The following MIR2052HG variants were observed in gnomAD, a reference collection of about 807,000 sequenced individuals.
The protein encoded by MIR2052HG is MIR2052 host gene.
intron 2 of MIR2052HG, among the ~76,000 whole-genome samples, chr8:74,693,754 A>T (rs895549157): frequency 2.0e-5 from 3 of 151,946 alleles, no homozygotes; most frequent in African/African-American, 7.3e-5. Flanking sequence ...CCCTGAAAAC[A>T]TAACTCCATA....
chr8:74,637,351 T>G (rs1227413321), intron 2 of MIR2052HG, among the ~76,000 whole-genome samples: 2 of 152,012 alleles, frequency 1.3e-5, no homozygotes, highest in Non-Finnish European at 1.5e-5. Flanking sequence ...AGGATACACA[T>G]GCAAACACAT....
intron 4 of MIR2052HG, among the ~76,000 whole-genome samples, chr8:74,746,743 A>G (rs1809891787): frequency 6.6e-6 from 1 of 152,072 alleles, no homozygotes. Context: ...CAAGGCTGTG[A>G]AGACACCATC....
chr8:74,662,125 A>G (rs1484240390), intron 2 of MIR2052HG, among the ~76,000 whole-genome samples: 2 of 152,194 alleles, frequency 1.3e-5, no homozygotes, highest in Non-Finnish European at 1.5e-5. Context: ...TTATGAGAGT[A>G]TCACGGTTTT....
At chr8:74,669,600 G>T (rs972760576) in intron 2 of MIR2052HG, among the ~76,000 whole-genome samples, 3 of 152,010 alleles carry the variant, frequency 2.0e-5, no homozygotes, top group African/African-American at 7.2e-5. Context: ...CTCTACTTAC[G>T]TATCTCATGA....
In MIR2052HG at chr8:74,749,411, A is replaced by G. The variant is rs573690020; in HGVS notation, n.372-3030A>G. Among the ~76,000 whole-genome samples, 464 of 152,230 alleles carry G rather than the reference A, an allele frequency of 3.0e-3. 1 individual carries two copies. Among genetic ancestry groups the G allele is most frequent in the Middle Eastern group, 6.8e-3 (2 of 294 alleles). The stretch of plus-strand genomic sequence containing the variant: ...TCCTATCACCAAGTTAAAAAAAAAA[A>G]CAAAACTTGTAGTGCCTTTTTAGTT... On this transcript the variant is annotated intron_variant and non_coding_transcript_variant, in intron 4 of 6. Transcript: ENST00000523442.
At chr8:74,701,305 T>C (rs929974372) in intron 2 of MIR2052HG, among the ~76,000 whole-genome samples, 5 of 152,168 alleles carry the variant, frequency 3.3e-5, no homozygotes, top group Admixed American at 2.6e-4. Flanking sequence ...AACTTATTAT[T>C]GAATAGATGG....
chr8:74,740,803 T>C (rs952280139), intron 4 of MIR2052HG, among the ~76,000 whole-genome samples: 1 of 152,346 alleles, frequency 6.6e-6, no homozygotes, highest in Admixed American at 6.5e-5. Context: ...GGTCTCCAGC[T>C]ACCTGGTAGT....
intron 2 of MIR2052HG, among the ~76,000 whole-genome samples, chr8:74,628,620 T>C (rs3750238): frequency 0.67 from 102,421 of 152,044 alleles, 35,608 homozygotes; most frequent in African/African-American, 0.86. Flanking sequence ...ATTCAGGCTC[T>C]AAAGTACTTA....
Position 74,624,627 on chromosome 8 carries a change from A to G in MIR2052HG, n.216+11687A>G, listed in dbSNP as rs1808410700. On this transcript the variant is annotated intron_variant and non_coding_transcript_variant, in intron 2 of 6. Coordinates refer to ENST00000523442, the Ensembl canonical transcript of MIR2052HG. ...AAGCAGTATTTATCCATTGACAAAA[A>G]TGCTTGTAAATGCATTTGATCAACC... Among the ~76,000 whole-genome samples the G allele has an allele frequency of 2.6e-5, 4 of 152,244 alleles. 1 individual carries two copies. The South Asian group carries it at 8.3e-4, about 31-fold the overall frequency.
At chr8:74,711,271 A>G (rs1298140807) in intron 4 of MIR2052HG, among the ~76,000 whole-genome samples, 1 of 152,166 alleles carries the variant, frequency 6.6e-6, no homozygotes, top group African/African-American at 2.4e-5. Context: ...TATTCATGTA[A>G]GTACTTCTTT....
intron 4 of MIR2052HG, among the ~76,000 whole-genome samples, chr8:74,719,049 A>C (rs536895567): frequency 6.6e-6 from 1 of 150,980 alleles, no homozygotes; most frequent in South Asian, 2.1e-4. Context: ...GGGTCTTCCT[A>C]TGAGTCAGAC....
At chr8:74,754,754 A>C (rs931088424) in intron 5 of MIR2052HG, among the ~76,000 whole-genome samples, 1 of 152,184 alleles carries the variant, frequency 6.6e-6, no homozygotes, top group African/African-American at 2.4e-5. Context: ...TGAGTTAGGT[A>C]CACTTTCAGT....
chr8:74,667,146 C>G (rs1808938166), intron 2 of MIR2052HG, among the ~76,000 whole-genome samples: 1 of 152,164 alleles, frequency 6.6e-6, no homozygotes, highest in Admixed American at 6.6e-5. Flanking sequence ...TTTGTTGTCT[C>G]CTGGTCAAAG....
intron 2 of MIR2052HG, among the ~76,000 whole-genome samples, chr8:74,680,764 G>C (rs558795925): frequency 6.6e-6 from 1 of 151,828 alleles, no homozygotes; most frequent in Non-Finnish European, 1.5e-5. Flanking sequence ...ACATGCACAC[G>C]TATGTTTATT....
intron 2 of MIR2052HG, among the ~76,000 whole-genome samples, chr8:74,674,856 C>T (rs377404830): frequency 7.2e-5 from 11 of 151,726 alleles, no homozygotes; most frequent in African/African-American, 1.9e-4. Context: ...ATATACTATA[C>T]GTTACTATAC....
intron 2 of MIR2052HG, among the ~76,000 whole-genome samples, chr8:74,671,279 G>T (rs1808989766): frequency 6.6e-6 from 1 of 152,104 alleles, no homozygotes; most frequent in Non-Finnish European, 1.5e-5. Flanking sequence ...TATGCATTTT[G>T]TGTATTATGA....
At chr8:74,621,135 T>C (rs1586892821) in intron 2 of MIR2052HG, among the ~76,000 whole-genome samples, 1 of 152,236 alleles carries the variant, frequency 6.6e-6, no homozygotes, top group African/African-American at 2.4e-5. Flanking sequence ...TTGTCCATAT[T>C]GCTGTCAGCA....
chr8:74,674,648 C>T (rs1033472764), intron 2 of MIR2052HG, among the ~76,000 whole-genome samples: 8 of 151,790 alleles, frequency 5.3e-5, no homozygotes, highest in Non-Finnish European at 8.8e-5. Context: ...TTAGATCTCT[C>T]TCATATTCTG....
At chr8:74,718,379 G>A (rs950216692) in intron 4 of MIR2052HG, among the ~76,000 whole-genome samples, 3 of 152,000 alleles carry the variant, frequency 2.0e-5, no homozygotes, top group East Asian at 3.9e-4. Context: ...TGTGTGTGTC[G>A]GGGGTCAGGC....
Sources: gnomAD v4.1 joint callset for allele counts (sites outside exome capture counted in the v4.1 genomes callset) on GRCh38, gnomAD v4.1.1 for gene constraint, MANE v1.5 for transcripts, NCBI Gene and HGNC (gene_info 2026-07-23, HGNC 2026-07-21) for gene names.